The following ATXN7L1 variants were observed in gnomAD, a reference collection of about 807,000 sequenced individuals.
ATXN7L1 encodes ataxin-7-like protein 1.
ATXN7L1 carries 15 observed loss-of-function variants against 70.8 expected under a neutral mutation model. The ratio of observed to expected loss-of-function variants is 0.21; its 90% CI spans 0.14 to 0.33. The LOEUF (loss-of-function observed/expected upper bound fraction) is 0.33. ATXN7L1 is among the 10% of genes least tolerant of loss of function. The pLI is 1.00. For missense variants in ATXN7L1, 975 were observed against 1,097.1 expected, an observed-to-expected ratio of 0.89 and a Z score of 1.57; for synonymous variants, 440 against 445.1, an observed-to-expected ratio of 0.99 and a Z score of 0.14.
chr7:105,811,633 A>G (rs1025176839), intron 2 of ATXN7L1, among the ~76,000 whole-genome samples: 9 of 152,158 alleles, frequency 5.9e-5, no homozygotes, highest in African/African-American at 2.2e-4. Flanking sequence ...AATAGAATGC[A>G]TTTATAGCCA....
chr7:105,679,307 C>T, intron 3 of ATXN7L1: 1 of 242,230 alleles, frequency 4.1e-6, no homozygotes, highest in Non-Finnish European at 6.6e-6. Context: ...AAGGTGTGGT[C>T]AGAGGCAGCA....
At chr7:105,697,718 T>TA (rs1211755482) in intron 3 of ATXN7L1, among the ~76,000 whole-genome samples, 1 of 152,218 alleles carries the variant, frequency 6.6e-6, no homozygotes, top group African/African-American at 2.4e-5. Flanking sequence ...CTTCACAACT[T>TA]ACGTTTAGAG....
At chr7:105,672,262 G>C (rs933169768) in intron 3 of ATXN7L1, among the ~76,000 whole-genome samples, 2 of 151,962 alleles carry the variant, frequency 1.3e-5, no homozygotes, top group Non-Finnish European at 2.9e-5. Flanking sequence ...CTCCAGTCTC[G>C]GCGACAGAGT....
chr7:105,660,460 AT>A (rs5886363), intron 4 of ATXN7L1, among the ~76,000 whole-genome samples: 68,089 of 147,422 alleles, frequency 0.46, 15,832 homozygotes, highest in Middle Eastern at 0.54. Flanking sequence ...CTTAGATAGA[AT>A]TTTTTTTTTT....
At chr7:105,742,868 G>A (rs1411436482) in intron 3 of ATXN7L1, among the ~76,000 whole-genome samples, 1 of 152,104 alleles carries the variant, frequency 6.6e-6, no homozygotes, top group Non-Finnish European at 1.5e-5. Context: ...ACAGGTCACT[G>A]GCTGGGGATC....
In ATXN7L1 at chr7:105,615,662, G is replaced by A. The variant is rs527305768; in HGVS notation, c.1518-846C>T. On this transcript the variant is annotated intron_variant, in intron 9 of 11. Coordinates refer to ENST00000419735, the MANE Select transcript of ATXN7L1 (RefSeq NM_020725.2). ...GTCTTCTTGTCCCGTGTTAGGAAAT[G>A]GTGAGTGTGGGGACCCTCATATGTC... 2.6e-5 allele frequency among the ~76,000 whole-genome samples: 4 copies of A among 152,338 alleles called. No individual in the cohort carries two copies. In the East Asian group the frequency reaches 7.7e-4, roughly 29 times the overall value.
At chr7:105,680,885 G>C (rs1805460330) in intron 3 of ATXN7L1, among the ~76,000 whole-genome samples, 1 of 152,186 alleles carries the variant, frequency 6.6e-6, no homozygotes, top group Non-Finnish European at 1.5e-5. Flanking sequence ...AGCTACTCTT[G>C]GGCCAGCTCT....
chr7:105,784,728 C>T (rs1804037862), intron 3 of ATXN7L1, among the ~76,000 whole-genome samples: 1 of 152,100 alleles, frequency 6.6e-6, no homozygotes, highest in Non-Finnish European at 1.5e-5. Context: ...GGCAGAGTAC[C>T]CATTTTACAG....
chr7:105,790,335 C>A (rs759812382), intron 2 of ATXN7L1, among the ~76,000 whole-genome samples: 1 of 152,132 alleles, frequency 6.6e-6, no homozygotes, highest in Non-Finnish European at 1.5e-5. Flanking sequence ...GGTGTGGTGG[C>A]TTACACCTGT....
intron 3 of ATXN7L1, among the ~76,000 whole-genome samples, chr7:105,758,694 T>C (rs1005290657): frequency 1.3e-5 from 2 of 152,136 alleles, no homozygotes; most frequent in African/African-American, 4.8e-5. Context: ...AATGCAGGTG[T>C]GAAGTCTTTA....
chr7:105,674,502 A>C (rs1804312516), intron 3 of ATXN7L1, among the ~76,000 whole-genome samples: 1 of 152,026 alleles, frequency 6.6e-6, no homozygotes, highest in Non-Finnish European at 1.5e-5. Flanking sequence ...CAGATGGGGG[A>C]AATTAAAGCT....
intron 2 of ATXN7L1, among the ~76,000 whole-genome samples, chr7:105,853,336 T>G (rs1815179327): frequency 6.6e-6 from 1 of 151,914 alleles, no homozygotes; most frequent in Non-Finnish European, 1.5e-5. Context: ...ATCACCTGAC[T>G]GAGGTCAGGA....
chr7:105,731,207 G>A lies in ATXN7L1; in HGVS notation c.355+57397C>T, dbSNP rs778143560. On this transcript the variant is annotated intron_variant, in intron 3 of 11. Coordinates refer to ENST00000419735, the MANE Select transcript of ATXN7L1 (RefSeq NM_020725.2). Reference sequence around the variant, plus strand: ...TATATGACACATAAATGAATTTTGTGTCTATCCTTGGGTCTCATCCCCAAG... The same window carrying A: ...TATATGACACATAAATGAATTTTGTATCTATCCTTGGGTCTCATCCCCAAG... Among the ~76,000 whole-genome samples the A allele has an allele frequency of 7.2e-5, 11 of 152,230 alleles. No individual in the cohort carries two copies. The East Asian group carries it at 9.6e-4, about 13-fold the overall frequency.
chr7:105,815,001 G>A (rs1045200018), intron 2 of ATXN7L1, among the ~76,000 whole-genome samples: 1 of 152,146 alleles, frequency 6.6e-6, no homozygotes. Flanking sequence ...GACAGGATGG[G>A]GGGCAGTGGA....
At chr7:105,645,804 C>A (rs940216861) in intron 4 of ATXN7L1, among the ~76,000 whole-genome samples, 1 of 140,282 alleles carries the variant, frequency 7.1e-6, no homozygotes, top group Non-Finnish European at 1.5e-5. Flanking sequence ...CAGAGTGAGA[C>A]GCCACCACAA....
chr7:105,756,894 A>G (rs777937454), intron 3 of ATXN7L1, among the ~76,000 whole-genome samples: 1 of 152,212 alleles, frequency 6.6e-6, no homozygotes, highest in African/African-American at 2.4e-5. Flanking sequence ...AAATAAATGA[A>G]TAGTGTTATA....
At chr7:105,823,651 T>C (rs760692503) in intron 2 of ATXN7L1, among the ~76,000 whole-genome samples, 5 of 152,210 alleles carry the variant, frequency 3.3e-5, no homozygotes, top group Admixed American at 2.0e-4. Context: ...AATTTTATCT[T>C]TTCTCTTGAC....
intron 3 of ATXN7L1, among the ~76,000 whole-genome samples, chr7:105,686,423 G>C (rs1328451795): frequency 6.6e-6 from 1 of 152,186 alleles, no homozygotes. Context: ...GGCTGAGGCA[G>C]GAGAATCCCT....
At chr7:105,717,680 G>A (rs1050041120) in intron 3 of ATXN7L1, among the ~76,000 whole-genome samples, 1 of 152,118 alleles carries the variant, frequency 6.6e-6, no homozygotes, top group Non-Finnish European at 1.5e-5. Flanking sequence ...GCAGCTTGAC[G>A]GAAAGTCTGC....
Sources: gnomAD v4.1 joint callset for allele counts (sites outside exome capture counted in the v4.1 genomes callset) on GRCh38, gnomAD v4.1.1 for gene constraint, MANE v1.5 for transcripts, NCBI Gene and HGNC (gene_info 2026-07-23, HGNC 2026-07-21) for gene names.